KAZN: variants seen among roughly 807,000 people sequenced by gnomAD.
KAZN encodes kazrin.
In KAZN, 40 loss-of-function variants were observed where a neutral mutation model predicts 87.4. The observed-to-expected ratio is 0.46, with a 90% CI of 0.36 to 0.60. The LOEUF (loss-of-function observed/expected upper bound fraction) is 0.60. Among genes scored for constraint, KAZN ranks in the 20% least tolerant of loss-of-function variants. The pLI, the probability that KAZN is intolerant of heterozygous loss-of-function variation, is 0.00. For missense variants in KAZN, 898 were observed against 1,073.9 expected (o/e 0.84, Z 2.29); for synonymous variants, 466 against 458.3 (o/e 1.02, Z -0.22).
At chr1:14,295,414 A>G (rs1012594335) in intron 2 of KAZN, among the ~76,000 whole-genome samples, 2 of 152,170 alleles carry the variant, frequency 1.3e-5, no homozygotes, top group Admixed American at 6.5e-5. Context: ...ACACATATAC[A>G]TGAGACACAG....
At chr1:14,738,244 G>A (rs938180795) in intron 1 of KAZN, among the ~76,000 whole-genome samples, 1 of 152,106 alleles carries the variant, frequency 6.6e-6, no homozygotes, top group Non-Finnish European at 1.5e-5. Context: ...AGTCCCAAAG[G>A]CACCACCTCA....
At chr1:14,311,738 A>G (rs1336850760) in intron 2 of KAZN, among the ~76,000 whole-genome samples, 2 of 152,104 alleles carry the variant, frequency 1.3e-5, no homozygotes, top group Admixed American at 1.3e-4. Context: ...GGATGGATGG[A>G]TGGAAGGATG....
chr1:14,565,892 C>T (rs1421018999), intron 2 of KAZN, among the ~76,000 whole-genome samples: 1 of 152,180 alleles, frequency 6.6e-6, no homozygotes, highest in East Asian at 1.9e-4. Context: ...ATCACATCTG[C>T]AGTTACTTCT....
chr1:14,380,254 A>G (rs1661257253), intron 2 of KAZN, among the ~76,000 whole-genome samples: 1 of 152,216 alleles, frequency 6.6e-6, no homozygotes, highest in Non-Finnish European at 1.5e-5. Flanking sequence ...AAGGATGGGT[A>G]CAAACAAGCC....
At chr1:14,196,899 T>G (rs1401879700) in intron 2 of KAZN, among the ~76,000 whole-genome samples, 1 of 151,948 alleles carries the variant, frequency 6.6e-6, no homozygotes, top group African/African-American at 2.4e-5. Flanking sequence ...GAAGGAGGCT[T>G]CAAAGAGAGT....
At chr1:13,909,106 C>A (rs911412172) in intron 1 of KAZN, among the ~76,000 whole-genome samples, 1 of 152,092 alleles carries the variant, frequency 6.6e-6, no homozygotes, top group Non-Finnish European at 1.5e-5. Context: ...TGGCAGGGGG[C>A]ATTTAGGTAT....
At chr1:14,568,013 AG>A (rs1472473242) in intron 2 of KAZN, among the ~76,000 whole-genome samples, 1 of 152,226 alleles carries the variant, frequency 6.6e-6, no homozygotes, top group Admixed American at 6.5e-5. Context: ...TACATTCTGT[AG>A]CAAAAGTGTA....
At chr1:15,048,834 C>T (rs901687988) in intron 4 of KAZN, among the ~76,000 whole-genome samples, 2 of 147,752 alleles carry the variant, frequency 1.4e-5, no homozygotes, top group Admixed American at 6.7e-5. Context: ...GGTGCTGGGT[C>T]GTTGGTCCTG....
chr1:14,257,589 T>C (rs1274902577), intron 2 of KAZN, among the ~76,000 whole-genome samples: 23 of 141,652 alleles, frequency 1.6e-4, no homozygotes, highest in Admixed American at 2.9e-4. Context: ...TCTTCTAGGG[T>C]TTTTATGGTT....
chr1:14,748,794 C>T (rs1468024507), intron 1 of KAZN, among the ~76,000 whole-genome samples: 1 of 92,712 alleles, frequency 1.1e-5, no homozygotes, highest in Non-Finnish European at 2.4e-5. Flanking sequence ...GTTCAATAAG[C>T]ATCAGTCATG....
intron 2 of KAZN, among the ~76,000 whole-genome samples, chr1:14,376,438 T>C (rs1319039790): frequency 6.6e-6 from 1 of 152,152 alleles, no homozygotes; most frequent in Non-Finnish European, 1.5e-5. Context: ...AGTGGGTTCC[T>C]GATAAAAAGG....
chr1:14,757,925 A>C (rs1164922003), intron 1 of KAZN, among the ~76,000 whole-genome samples: 1 of 152,052 alleles, frequency 6.6e-6, no homozygotes, highest in Non-Finnish European at 1.5e-5. Context: ...GAGAGGGAGG[A>C]ATACGTTTTG....
chr1:14,177,975 G>C (rs897275655), intron 1 of KAZN, among the ~76,000 whole-genome samples: 1 of 152,010 alleles, frequency 6.6e-6, no homozygotes, highest in Admixed American at 6.5e-5. Flanking sequence ...TTGAATTGTA[G>C]TTTCCATAAT....
At chr1:14,912,666 C>T (rs1309195400) in intron 1 of KAZN, among the ~76,000 whole-genome samples, 1 of 152,134 alleles carries the variant, frequency 6.6e-6, no homozygotes, top group African/African-American at 2.4e-5. Context: ...TAGATGTGAA[C>T]CACCATGCCC....
At chr1:14,688,480 A>G (rs568544080) in intron 1 of KAZN, among the ~76,000 whole-genome samples, 10 of 152,250 alleles carry the variant, frequency 6.6e-5, no homozygotes, top group Non-Finnish European at 1.3e-4. Flanking sequence ...GTAGACATCA[A>G]GGAGGATAAA....
At position 14,002,220 on chromosome 1, in the gene KAZN, C is replaced by T. The variant is rs989690853; in HGVS notation, c.91+108464C>T. Among the ~76,000 whole-genome samples the T allele has an allele frequency of 3.9e-5, 6 of 152,312 alleles. No individual in the cohort carries two copies. In the East Asian group the frequency reaches 1.2e-3, roughly 29 times the overall value. ...TGAACAGACCGTTCTCAAAAGAAGA[C>T]ATTTATGTGGCCAACAAACATATGA... On this transcript the variant is annotated intron_variant, in intron 1 of 16. Coordinates refer to the KAZN transcript ENST00000636203.
chr1:14,579,162 C>A (rs1675372310), intron 2 of KAZN, among the ~76,000 whole-genome samples: 1 of 152,166 alleles, frequency 6.6e-6, no homozygotes, highest in South Asian at 2.1e-4. Context: ...GCCTAAGTGA[C>A]CCTTGGAACT....
chr1:14,638,075 G>T (rs546076301), intron 1 of KAZN, among the ~76,000 whole-genome samples: 1 of 152,034 alleles, frequency 6.6e-6, no homozygotes, highest in African/African-American at 2.4e-5. Flanking sequence ...ATGTGTCTTC[G>T]TCTCCGTGTG....
chr1:14,080,426 T>A (rs1322989251), intron 1 of KAZN, among the ~76,000 whole-genome samples: 1 of 130,880 alleles, frequency 7.6e-6, no homozygotes, highest in African/African-American at 2.8e-5. Context: ...GCTGTAAGAA[T>A]CTGGAGTCAT....
Sources: allele counts gnomAD v4.1 joint callset (sites outside exome capture counted in the v4.1 genomes callset), GRCh38; gene constraint gnomAD v4.1.1; transcripts MANE v1.5; gene names NCBI Gene and HGNC (gene_info 2026-07-23, HGNC 2026-07-21).